Variants in AGMO observed in about 807,000 individuals in gnomAD.
AGMO encodes glyceryl-ether monooxygenase.
A neutral mutation model predicts 60.2 loss-of-function variants in AGMO; 75 were observed. The ratio of observed to expected loss-of-function variants is 1.25; its 90% CI spans 1.03 to 1.51. The LOEUF (loss-of-function observed/expected upper bound fraction) is 1.51, where lower values mean the gene tolerates loss of function less well. Ranked by LOEUF, AGMO falls within the 40% of genes most tolerant of loss-of-function variation. AGMO has a pLI of 0.00. For synonymous variants in AGMO, 261 were observed against 177.1 expected (o/e 1.47, Z -3.76); for missense variants, 763 against 525.5 (o/e 1.45, Z -4.42).
At chr7:15,186,284 A>G in the AGMO span, among the ~76,000 whole-genome samples, 12 of 152,194 alleles carry the variant, frequency 7.9e-5, no homozygotes, top group Admixed American at 5.2e-4. Flanking sequence ...TTGAATGCAG[A>G]TTGCAGGATT....
At chr7:15,342,936 G>A (rs1418351804) in intron 12 of AGMO, among the ~76,000 whole-genome samples, 1 of 152,040 alleles carries the variant, frequency 6.6e-6, no homozygotes, top group Non-Finnish European at 1.5e-5. Context: ...TCTGTGAGGA[G>A]TAAATGAAAA....
intron 12 of AGMO, among the ~76,000 whole-genome samples, chr7:15,249,365 A>T (rs1782862294): frequency 6.6e-6 from 1 of 150,880 alleles, no homozygotes; most frequent in Non-Finnish European, 1.5e-5. Context: ...CTATGGAAAC[A>T]TAAAAAGTTG....
intron 12 of AGMO, among the ~76,000 whole-genome samples, chr7:15,211,465 A>G (rs923717804): frequency 5.3e-5 from 8 of 152,038 alleles, no homozygotes; most frequent in African/African-American, 1.9e-4. Context: ...AAGTGGCATA[A>G]AACTTTAGTG....
intron 3 of AGMO, among the ~76,000 whole-genome samples, chr7:15,500,921 A>ATT (rs60039025): frequency 1.3e-5 from 2 of 151,596 alleles, no homozygotes; most frequent in Non-Finnish European, 1.5e-5. Context: ...GAATGTCTTG[A>ATT]TTTTTGTCCC....
intron 12 of AGMO, among the ~76,000 whole-genome samples, chr7:15,232,173 G>A (rs952598442): frequency 1.2e-4 from 19 of 152,014 alleles, no homozygotes; most frequent in Admixed American, 1.0e-3. Flanking sequence ...ATCTTCCCTT[G>A]CCTACGCTCT....
At chr7:15,512,366 C>A (rs956367270) in intron 3 of AGMO, among the ~76,000 whole-genome samples, 4 of 152,114 alleles carry the variant, frequency 2.6e-5, no homozygotes, top group African/African-American at 9.7e-5. Flanking sequence ...GATCCTCCTG[C>A]CTCAGCTTTT....
At position 15,317,991 on chromosome 7, in the gene AGMO, C is replaced by T. The variant is rs1398743267; in HGVS notation, c.1263+47523G>A. On this transcript the variant is annotated intron_variant, in intron 12 of 12. Coordinates refer to ENST00000342526, the MANE Select transcript of AGMO (RefSeq NM_001004320.2). ...ATACACACACACGTATATATATATA[C>T]ACGTATATATATACATATATTTTTT... is the stretch of plus-strand genomic sequence containing the variant. 2.1e-5 allele frequency among the ~76,000 whole-genome samples: 3 copies of T among 144,134 alleles called. 1 individual carries two copies. Among genetic ancestry groups the T allele is most frequent in the African/African-American group, 2.6e-5 (1 of 37,968 alleles). The allele number at this position is 144,134 out of a possible 152,430, so 94.6% of individuals were successfully genotyped here.
chr7:15,248,561 A>G (rs1782836838), intron 12 of AGMO, among the ~76,000 whole-genome samples: 1 of 152,112 alleles, frequency 6.6e-6, no homozygotes, highest in African/African-American at 2.4e-5. Context: ...CCACCTTTCA[A>G]AAGAAATTTC....
chr7:15,192,592 C>G, the AGMO span, among the ~76,000 whole-genome samples: 582 of 152,226 alleles, frequency 3.8e-3, 1 homozygote, highest in African/African-American at 0.013. Flanking sequence ...GGACAAAGGT[C>G]CAGGTACCAA....
downstream of AGMO, among the ~76,000 whole-genome samples, chr7:15,198,949 G>C (rs1019258891): frequency 1.3e-5 from 2 of 152,094 alleles, no homozygotes; most frequent in African/African-American, 2.4e-5. Context: ...CTAATCTTGT[G>C]GCTAATTTGT....
chr7:15,392,699 TGCA>T (rs1389971249), intron 6 of AGMO, among the ~76,000 whole-genome samples: 1 of 152,030 alleles, frequency 6.6e-6, no homozygotes, highest in South Asian at 2.1e-4. Flanking sequence ...CTTGGGAGGC[TGCA>T]GCAGAAGAAT....
chr7:15,421,398 C>A (rs1291289167), intron 4 of AGMO, among the ~76,000 whole-genome samples: 1 of 151,984 alleles, frequency 6.6e-6, no homozygotes, highest in African/African-American at 2.4e-5. Flanking sequence ...GAAGCTTGGG[C>A]ATAAGGAAAC....
intron 12 of AGMO, among the ~76,000 whole-genome samples, chr7:15,211,822 A>G (rs1235182318): frequency 1.3e-5 from 2 of 151,996 alleles, no homozygotes; most frequent in African/African-American, 4.8e-5. Context: ...ATGCATAAAC[A>G]TTTTCTACAA....
intron 10 of AGMO, among the ~76,000 whole-genome samples, chr7:15,368,086 G>C (rs1442689263): frequency 6.6e-6 from 1 of 151,956 alleles, no homozygotes; most frequent in Non-Finnish European, 1.5e-5. Context: ...TACTTTAGTG[G>C]AAGAGTATTG....
chr7:15,415,092 G>C (rs567658725), intron 5 of AGMO, among the ~76,000 whole-genome samples: 3 of 152,090 alleles, frequency 2.0e-5, no homozygotes, highest in Admixed American at 2.0e-4. Context: ...ATTTCTTAGA[G>C]AATATTTAAA....
At chr7:15,377,824 G>A (rs1297019586) in intron 10 of AGMO, among the ~76,000 whole-genome samples, 1 of 151,912 alleles carries the variant, frequency 6.6e-6, no homozygotes, top group Admixed American at 6.6e-5. Context: ...GGGGTTATGA[G>A]ACCTTACTTA....
At chr7:15,219,209 G>A (rs1003502470) in intron 12 of AGMO, among the ~76,000 whole-genome samples, 2 of 152,098 alleles carry the variant, frequency 1.3e-5, no homozygotes, top group African/African-American at 2.4e-5. Flanking sequence ...CTCTTACGGG[G>A]TTTGAATTAG....
At chr7:15,366,759 C>T (rs927195741) in intron 10 of AGMO, among the ~76,000 whole-genome samples, 8 of 152,006 alleles carry the variant, frequency 5.3e-5, no homozygotes, top group African/African-American at 7.2e-5. Context: ...ATCTTTTTAA[C>T]GCTTAAACAT....
chr7:15,262,098 C>A (rs1444351993), intron 12 of AGMO, among the ~76,000 whole-genome samples: 1 of 151,998 alleles, frequency 6.6e-6, no homozygotes, highest in Non-Finnish European at 1.5e-5. Flanking sequence ...ATTGTCACTA[C>A]TTTTATTGAA....
Sources: gnomAD v4.1 joint callset for allele counts (sites outside exome capture counted in the v4.1 genomes callset) on GRCh38, gnomAD v4.1.1 for gene constraint, MANE v1.5 for transcripts, NCBI Gene and HGNC (gene_info 2026-07-23, HGNC 2026-07-21) for gene names.